H2AC4: variants seen among roughly 807,000 people sequenced by gnomAD.
H2AC4 encodes the protein H2A clustered histone 4.
Under a neutral mutation model 6.1 loss-of-function variants are expected in H2AC4, and 8 were observed. The observed-to-expected ratio is 1.31, with a 90% confidence interval of 0.77 to 2.36. H2AC4 has a LOEUF of 2.36. H2AC4 is among the 30% of genes most tolerant of loss of function. The pLI is 0.00. For missense variants in H2AC4, 260 were observed against 180.4 expected (o/e 1.44, Z -2.53); for synonymous variants, 129 against 78.4 (o/e 1.64, Z -3.41).
Position 26,033,096 on chromosome 6 carries a change from G to A in H2AC4, c.*80C>T. On this transcript the variant is annotated 3_prime_UTR_variant, in exon 1 of 1. Transcript: ENST00000615868. ...ACAGCTCATTTAATGGAAGTCGTAG[G>A]TGGCTCTGAAAAGAGCCTTTGCTGT... 2 of 1,522,160 alleles carry A rather than the reference G, an allele frequency of 1.3e-6. No homozygotes were observed. Among genetic ancestry groups the A allele is most frequent in the Non-Finnish European group, 1.8e-6 (2 of 1,116,868 alleles). 94.3% of individuals were successfully genotyped at this position (1,522,160 alleles called of 1,614,324 possible).
Position 26,033,276 on chromosome 6 carries a change from A to G in H2AC4, c.293T>C (p.Leu98Ser). The G allele has an allele frequency of 6.2e-7, 1 of 1,614,174 alleles. No individual in the cohort carries two copies. The highest frequency in any genetic ancestry group is 1.1e-5 in the South Asian group (1 of 91,072). ...ACCCTGCGCGATGGTCACACGCCCC[A>G]AGAGTTTATTAAGCTCCTCGTCATT... ...IRNDEELNKL[L>S]GRVTIAQGGV... Residue 98 changes from leucine (L) to serine (S), a missense_variant, in exon 1 of 1, where the codon TTG becomes TCG. By Grantham distance (145) the Leu-to-Ser change is moderately radical. Transcript: ENST00000615868.
In H2AC4 at chr6:26,033,442, G is replaced by A. The variant is rs369896892; in HGVS notation, c.127C>T (p.Arg43Cys). Reference sequence around the variant, plus strand: ...TACACCGGCGCGCCAGCCCCGACGCGCTCGGAGTAGTTGCCTTTGCGGAGC... The same window carrying A: ...TACACCGGCGCGCCAGCCCCGACGCACTCGGAGTAGTTGCCTTTGCGGAGC... ...RLLRKGNYSE[R>C]VGAGAPVYLA... The change falls in exon 1 of 1, where the codon CGC becomes TGC. Residue 43 changes from arginine (R) to cysteine (C), a missense_variant. Arg to Cys is a radical substitution (Grantham distance 180, BLOSUM62 -3). Coordinates refer to ENST00000615868, the MANE Select transcript of H2AC4 (RefSeq NM_003513.3). 5 of 1,614,052 alleles carry A rather than the reference G, an allele frequency of 3.1e-6. No homozygotes were observed. The highest frequency in any genetic ancestry group is 1.7e-5 in the Admixed American group (1 of 59,990).
In H2AC4 at chr6:26,033,609, A is replaced by T; in HGVS notation, c.-41T>A. On this transcript the variant is annotated 5_prime_UTR_variant, in exon 1 of 1. Transcript: ENST00000615868. ...GGGAAAATCGCCACAAGAAAATGTA[A>T]TGAAACTACATTAGAACGCAAGGCA... 1 of 1,597,198 alleles carries T rather than the reference A, an allele frequency of 6.3e-7. No homozygotes were observed. The highest frequency in any genetic ancestry group is 8.6e-7 in the Non-Finnish European group (1 of 1,169,544).
Position 26,033,131 on chromosome 6 carries a change from T to G in H2AC4, c.*45A>C. On this transcript the variant is annotated 3_prime_UTR_variant, in exon 1 of 1. Coordinates refer to ENST00000615868, the MANE Select transcript of H2AC4 (RefSeq NM_003513.3). Reference sequence around the variant, plus strand: ...AAAGAGCCTTTGCTGTTAGGCTGATTTTGTCTGCTGACAGAAAAACAGCAG... The same window carrying G: ...AAAGAGCCTTTGCTGTTAGGCTGATGTTGTCTGCTGACAGAAAAACAGCAG... 6.2e-7 allele frequency: 1 copy of G among 1,602,840 alleles called. No homozygotes were observed.
In H2AC4 at chr6:26,033,132, T is replaced by G. The variant is rs1356217796; in HGVS notation, c.*44A>C. ...AAGAGCCTTTGCTGTTAGGCTGATTTTGTCTGCTGACAGAAAAACAGCAGT... is the reference window on the plus strand; with the variant it reads ...AAGAGCCTTTGCTGTTAGGCTGATTGTGTCTGCTGACAGAAAAACAGCAGT... On this transcript the variant is annotated 3_prime_UTR_variant, in exon 1 of 1. Transcript: ENST00000615868. The G allele has an allele frequency of 1.9e-6, 3 of 1,602,704 alleles. No homozygotes were observed. Among genetic ancestry groups the G allele is most frequent in the East Asian group, 2.2e-5 (1 of 44,852 alleles).
Position 26,033,584 on chromosome 6 carries a change from G to GAAC in H2AC4, c.-17_-16insGTT, listed in dbSNP as rs55640007. 14 of 1,608,610 alleles carry GAAC rather than the reference G, an allele frequency of 8.7e-6. No homozygotes were observed. The highest frequency in any genetic ancestry group is 3.5e-5 in the Admixed American group (2 of 57,770). On this transcript the variant is annotated 5_prime_UTR_variant, in exon 1 of 1. Transcript: ENST00000615868. ...GACCAGACATAACTACTTCTGATAA[G>GAAC]GGAAAATCGCCACAAGAAAATGTAA...
Position 26,033,500 on chromosome 6 carries a change from A to G in H2AC4, c.69T>C (p.Gly23=). The change falls in exon 1 of 1, where the codon GGT becomes GGC. Residue 23 remains glycine (G), a synonymous_variant. Transcript: ENST00000615868. ...AKAKTRSSRA[G]LQFPVGRVHR... ...GCACTCGGCCCACAGGAAACTGCAA[A>G]CCTGCACGAGAAGACCGAGTCTTAG... 1.2e-6 allele frequency: 2 copies of G among 1,614,140 alleles called. No homozygotes were observed. The highest frequency in any genetic ancestry group is 1.7e-6 in the Non-Finnish European group (2 of 1,180,010).
rs1340455793 is a variant in H2AC4, at chr6:26,033,160, A to G, written c.*16T>C. 3 of 1,613,316 alleles carry G rather than the reference A, an allele frequency of 1.9e-6. No individual in the cohort carries two copies. Among genetic ancestry groups the G allele is most frequent in the Non-Finnish European group, 2.5e-6 (3 of 1,179,840 alleles). On this transcript the variant is annotated 3_prime_UTR_variant, in exon 1 of 1. Coordinates refer to ENST00000615868, the MANE Select transcript of H2AC4 (RefSeq NM_003513.3). Reference sequence around the variant, plus strand: ...TCTGCTGACAGAAAAACAGCAGTGCATGAAGCGTTAACTCTTCACTTTCCC... The same window carrying G: ...TCTGCTGACAGAAAAACAGCAGTGCGTGAAGCGTTAACTCTTCACTTTCCC...
At position 26,033,493 on chromosome 6, in the gene H2AC4, A is replaced by G. The variant is rs1761508155; in HGVS notation, c.76T>C (p.Phe26Leu). The change falls in exon 1 of 1, where the codon TTT becomes CTT. Residue 26 changes from phenylalanine to leucine, a missense_variant. By Grantham distance (22) the Phe-to-Leu change is conservative. Transcript: ENST00000615868. ...AGGCGGTGCACTCGGCCCACAGGAA[A>G]CTGCAAACCTGCACGAGAAGACCGA... ...KTRSSRAGLQ[F>L]PVGRVHRLLR... 6 of 1,614,128 alleles carry G rather than the reference A, an allele frequency of 3.7e-6. No individual in the cohort carries two copies. Among genetic ancestry groups the G allele is most frequent in the East Asian group, 2.2e-5 (1 of 44,870 alleles).
rs756773136 is a variant in H2AC4 at position 26,033,510 on chromosome 6, G to A, written c.59C>T (p.Ser20Phe). Reference protein sequence around the residue: ...KARAKAKTRSSRAGLQFPVGR... With the variant: ...KARAKAKTRSFRAGLQFPVGR... ...CACAGGAAACTGCAAACCTGCACGA[G>A]AAGACCGAGTCTTAGCCTTGGCGCG... Residue 20 changes from serine (S) to phenylalanine (F), a missense_variant, in exon 1 of 1, where the codon TCT becomes TTT. Transcript: ENST00000615868. 3.9e-5 allele frequency: 63 copies of A among 1,614,236 alleles called. No homozygotes were observed. Among genetic ancestry groups the A allele is most frequent in the Non-Finnish European group, 5.1e-5 (60 of 1,180,042 alleles).
rs140279407 is a variant in H2AC4, at chr6:26,033,473, G to C, written c.96C>G (p.His32Gln). Residue 32 changes from histidine (H) to glutamine (Q), a missense_variant, in exon 1 of 1, where the codon CAC (histidine) becomes CAG (glutamine). His to Gln is a conservative substitution (Grantham distance 24, BLOSUM62 0). Transcript: ENST00000615868. The stretch of plus-strand genomic sequence containing the variant: ...AGTAGTTGCCTTTGCGGAGCAGGCG[G>C]TGCACTCGGCCCACAGGAAACTGCA... ...AGLQFPVGRV[H>Q]RLLRKGNYSE... The C allele has an allele frequency of 2.2e-5, 35 of 1,614,076 alleles. No homozygotes were observed. The highest frequency in any genetic ancestry group is 3.0e-5 in the Non-Finnish European group (35 of 1,180,038).
At position 26,033,336 on chromosome 6, in the gene H2AC4, C is replaced by CG. The variant is rs1388714608; in HGVS notation, c.232dup (p.Arg78ProfsTer14). On this transcript the variant is annotated frameshift_variant, in exon 1 of 1. Transcript: ENST00000615868. LOFTEE classifies it high-confidence loss of function. ...CAATTGCAGGTGGCGCGGGATGATG[C>CG]GGGTCTTCTTGTTGTCGCGGGCCGC... The CG allele has an allele frequency of 6.2e-7, 1 of 1,614,104 alleles. No homozygotes were observed. Among genetic ancestry groups the CG allele is most frequent in the Admixed American group, 1.7e-5 (1 of 60,016 alleles).
At position 26,033,388 on chromosome 6, in the gene H2AC4, C is replaced by T; in HGVS notation, c.181G>A (p.Ala61Thr). ...TTGCCCGCCAGCTCCAGGATCTCGG[C>T]GGTCAGGTACTCAAGCACCGCCGCG... is the stretch of plus-strand genomic sequence containing the variant. ...YLAAVLEYLT[A>T]EILELAGNAA... The change falls in exon 1 of 1, where the codon GCC becomes ACC. Residue 61 changes from alanine (A) to threonine (T), a missense_variant. Physicochemically the swap from Ala to Thr is moderately conservative, Grantham distance 58. Coordinates refer to ENST00000615868, the MANE Select transcript of H2AC4 (RefSeq NM_003513.3). 2 of 1,614,016 alleles carry T rather than the reference C, an allele frequency of 1.2e-6. No individual in the cohort carries two copies. Among genetic ancestry groups the T allele is most frequent in the South Asian group, 1.1e-5 (1 of 91,062 alleles).
Position 26,033,537 on chromosome 6 carries a change from G to A in H2AC4, c.32C>T (p.Ala11Val), listed in dbSNP as rs2113681430. 6.2e-7 allele frequency: 1 copy of A among 1,613,504 alleles called. No homozygotes were observed. The highest frequency in any genetic ancestry group is 8.5e-7 in the Non-Finnish European group (1 of 1,179,902). The change falls in exon 1 of 1, where the codon GCT becomes GTT. Residue 11 changes from alanine to valine, a missense_variant. Transcript: ENST00000615868. The stretch of plus-strand genomic sequence containing the variant: ...AGACCGAGTCTTAGCCTTGGCGCGA[G>A]CTTTACCGCCTTGTTTGCCGCGACC... Reference protein sequence around the residue: MSGRGKQGGKARAKAKTRSSR... With the variant: MSGRGKQGGKVRAKAKTRSSR...
chr6:26,033,344 CT>C lies in H2AC4; in HGVS notation c.224del (p.Lys75ArgfsTer27), dbSNP rs752964380. 4.3e-6 allele frequency: 7 copies of C among 1,614,098 alleles called. No individual in the cohort carries two copies. Among genetic ancestry groups the C allele is most frequent in the Non-Finnish European group, 5.1e-6 (6 of 1,180,012 alleles). On this transcript the variant is annotated frameshift_variant, in exon 1 of 1. Coordinates refer to ENST00000615868, the MANE Select transcript of H2AC4 (RefSeq NM_003513.3). LOFTEE classifies it high-confidence loss of function. ...ELAGNAARDN[K>X]KTRIIPRHLQ... Reference sequence around the variant, plus strand: ...GGTGGCGCGGGATGATGCGGGTCTTCTTGTTGTCGCGGGCCGCATTGCCCGC... The same window carrying C: ...GGTGGCGCGGGATGATGCGGGTCTTCTGTTGTCGCGGGCCGCATTGCCCGC...
rs765167833 is a variant in H2AC4, at chr6:26,033,444, T to C, written c.125A>G (p.Glu42Gly). 1.2e-6 allele frequency: 2 copies of C among 1,613,954 alleles called. No individual in the cohort carries two copies. Among genetic ancestry groups the C allele is most frequent in the African/African-American group, 2.7e-5 (2 of 74,890 alleles). ...HRLLRKGNYS[E>G]RVGAGAPVYL... The stretch of plus-strand genomic sequence containing the variant: ...CACCGGCGCGCCAGCCCCGACGCGC[T>C]CGGAGTAGTTGCCTTTGCGGAGCAG... The change falls in exon 1 of 1, where the codon GAG becomes GGG. Residue 42 changes from glutamate (E) to glycine (G), a missense_variant. Glu to Gly is a moderately conservative substitution (Grantham distance 98, BLOSUM62 -2). Transcript: ENST00000615868.
chr6:26,033,581 T>TAAC lies in H2AC4; in HGVS notation c.-14_-13insGTT, dbSNP rs1554147671. On this transcript the variant is annotated 5_prime_UTR_variant, in exon 1 of 1. Coordinates refer to ENST00000615868, the MANE Select transcript of H2AC4 (RefSeq NM_003513.3). The stretch of plus-strand genomic sequence containing the variant: ...CGCGACCAGACATAACTACTTCTGA[T>TAAC]AAGGGAAAATCGCCACAAGAAAATG... 1.4e-5 allele frequency: 23 copies of TAAC among 1,604,534 alleles called. No individual in the cohort carries two copies. The African/African-American group carries it at 2.0e-4, about 14-fold the overall frequency.
In H2AC4 at chr6:26,033,319, G is replaced by A. The variant is rs1429374780; in HGVS notation, c.250C>T (p.Leu84=). 8 of 1,614,180 alleles carry A rather than the reference G, an allele frequency of 5.0e-6. No individual in the cohort carries two copies. Among genetic ancestry groups the A allele is most frequent in the Non-Finnish European group, 6.8e-6 (8 of 1,180,038 alleles). Residue 84 remains leucine (L), a synonymous_variant, in exon 1 of 1, where the codon CTG becomes TTG. Coordinates refer to ENST00000615868, the MANE Select transcript of H2AC4 (RefSeq NM_003513.3). ...NKKTRIIPRH[L]QLAIRNDEEL... is the part of the protein sequence containing the mutation. ...TCGTCATTGCGGATGGCCAATTGCA[G>A]GTGGCGCGGGATGATGCGGGTCTTC...
rs746711691 is a variant in H2AC4 at position 26,033,156 on chromosome 6, G to C, written c.*20C>G. On this transcript the variant is annotated 3_prime_UTR_variant, in exon 1 of 1. Transcript: ENST00000615868. Reference sequence around the variant, plus strand: ...TTTGTCTGCTGACAGAAAAACAGCAGTGCATGAAGCGTTAACTCTTCACTT... The same window carrying C: ...TTTGTCTGCTGACAGAAAAACAGCACTGCATGAAGCGTTAACTCTTCACTT... 6.2e-7 allele frequency: 1 copy of C among 1,612,774 alleles called. No individual in the cohort carries two copies. The highest frequency in any genetic ancestry group is 1.1e-5 in the South Asian group (1 of 90,872).
Sources: gnomAD v4.1 joint callset for allele counts on GRCh38, gnomAD v4.1.1 for gene constraint, MANE v1.5 for transcripts, NCBI Gene and HGNC (gene_info 2026-07-23, HGNC 2026-07-21) for gene names.